Variants in CDK13 observed in about 807,000 individuals in gnomAD.
The protein encoded by CDK13 is cyclin dependent kinase 13.
Under a neutral mutation model 137.6 loss-of-function variants are expected in CDK13, and 40 were observed. The ratio of observed to expected loss-of-function variants is 0.29; its 90% CI spans 0.23 to 0.38. CDK13 has a LOEUF of 0.38. Ranked by LOEUF, CDK13 falls within the 10% of genes least tolerant of loss-of-function variation. The pLI is 1.00. For synonymous variants in CDK13, 869 were observed against 760.1 expected, an observed-to-expected ratio of 1.14 and a Z score of -2.36; for missense variants, 1,704 against 1,951.8, an observed-to-expected ratio of 0.87 and a Z score of 2.39.
intron 11 of CDK13, among the ~76,000 whole-genome samples, chr7:40,081,231 G>C (rs1487427848): frequency 1.3e-5 from 2 of 152,192 alleles, no homozygotes; most frequent in East Asian, 3.9e-4. Flanking sequence ...TGGTGATCCT[G>C]CTCTGTGATA....
intron 5 of CDK13, among the ~76,000 whole-genome samples, chr7:40,017,447 G>A (rs1785026641): frequency 6.6e-6 from 1 of 152,010 alleles, no homozygotes; most frequent in African/African-American, 2.4e-5. Flanking sequence ...GTACTTTACT[G>A]AAGCACAGTA....
At chr7:39,959,838 CTTGT>C (rs1264695387) in intron 1 of CDK13, among the ~76,000 whole-genome samples, 17 of 76,656 alleles carry the variant, frequency 2.2e-4, no homozygotes, top group East Asian at 7.5e-4. Flanking sequence ...TAGCTACTAA[CTTGT>C]TTTTTTTTTT....
intron 1 of CDK13, chr7:39,985,076 T>C (rs1242283523): frequency 6.6e-6 from 1 of 152,098 alleles, no homozygotes; most frequent in Non-Finnish European, 1.5e-5. Context: ...CTTCATTCTT[T>C]GTATTTTTTG....
Position 40,063,006 on chromosome 7 carries a change from G to A in CDK13, c.2703-17G>A, listed in dbSNP as rs1285855677. On this transcript the variant is annotated splice_polypyrimidine_tract_variant and intron_variant, in intron 8 of 13. Coordinates refer to ENST00000181839, the MANE Select transcript of CDK13 (RefSeq NM_003718.5). Reference sequence around the variant, plus strand: ...TAAAATAGATCATTTGGTAATGACGGGTATTTTTTCCATTAGCTGTATCCT... The same window carrying A: ...TAAAATAGATCATTTGGTAATGACGAGTATTTTTTCCATTAGCTGTATCCT... 2 of 1,611,494 alleles carry A rather than the reference G, an allele frequency of 1.2e-6. No individual in the cohort carries two copies. Among genetic ancestry groups the A allele is most frequent in the South Asian group, 1.1e-5 (1 of 91,006 alleles).
chr7:39,967,441 A>G (rs1783896529), intron 1 of CDK13, among the ~76,000 whole-genome samples: 1 of 152,038 alleles, frequency 6.6e-6, no homozygotes, highest in African/African-American at 2.4e-5. Flanking sequence ...CAAAAACAAA[A>G]TAAAACAAAA....
intron 2 of CDK13, among the ~76,000 whole-genome samples, chr7:39,994,373 TCTCA>T (rs1245620313): frequency 7.2e-5 from 11 of 152,314 alleles, no homozygotes; most frequent in African/African-American, 2.6e-4. Flanking sequence ...GTATAATTCA[TCTCA>T]CTAATTTCCA....
chr7:39,951,065 C>A lies in CDK13; in HGVS notation c.424C>A (p.Pro142Thr). The A allele has an allele frequency of 7.8e-7, 1 of 1,274,830 alleles. No individual in the cohort carries two copies. Among genetic ancestry groups the A allele is most frequent in the Non-Finnish European group, 9.9e-7 (1 of 1,012,398 alleles). The allele number at this position is 1,274,830 out of a possible 1,614,324, so 79.0% of individuals were successfully genotyped here. A position where few individuals can be genotyped will look rare whatever the true frequency, so the allele number is the denominator to read the frequency against. Residue 142 changes from proline (P) to threonine (T), a missense_variant, in exon 1 of 14, where the codon CCG becomes ACG. This residue lies in a region of CDK13 where 1,051 missense variants were observed against 931.0 expected (regional missense o/e 1.13). Transcript: ENST00000181839. ...GGASSGGGVT[P>T]LVEYEDVSSQ... ...TGCTAGTAGCGGCGGGGGTGTGACC[C>A]CGCTGGTGGAATACGAGGATGTGAG...
At chr7:40,014,512 C>T (rs1784964562) in intron 5 of CDK13, among the ~76,000 whole-genome samples, 1 of 144,972 alleles carries the variant, frequency 6.9e-6, no homozygotes, top group Non-Finnish European at 1.5e-5. Context: ...AGTACAGTGG[C>T]ACAATCATCT....
rs1212576000 is a variant in CDK13, at chr7:39,950,598, G to T, written c.-44G>T. ...GGGAGATGGCCAGGATCTGACCCGGGAGGAGGCCGCACCCGCGCCGCGCTC... is the reference window on the plus strand; with the variant it reads ...GGGAGATGGCCAGGATCTGACCCGGTAGGAGGCCGCACCCGCGCCGCGCTC... On this transcript the variant is annotated 5_prime_UTR_variant, in exon 1 of 14. Transcript: ENST00000181839. 2 of 1,293,214 alleles carry T rather than the reference G, an allele frequency of 1.5e-6. No homozygotes were observed. Among genetic ancestry groups the T allele is most frequent in the Middle Eastern group, 5.9e-4 (2 of 3,384 alleles). The allele number at this position is 1,293,214 out of a possible 1,614,324, so 80.1% of individuals were successfully genotyped here.
rs567495816 is a variant in CDK13, at chr7:39,950,822, C to T, written c.181C>T (p.Leu61=). ...PPPPPPPLLF[L]AAPGTAAAAA... is the part of the protein sequence containing the mutation. ...GCCGCCCCCGCCGCCTCTGCTCTTC[C>T]TGGCTGCTCCCGGCACGGCCGCCGC... is the stretch of plus-strand genomic sequence containing the variant. Residue 61 remains leucine, a synonymous_variant, in exon 1 of 14, where the codon CTG becomes TTG. Coordinates refer to ENST00000181839, the MANE Select transcript of CDK13 (RefSeq NM_003718.5). The T allele has an allele frequency of 1.1e-5, 16 of 1,424,386 alleles. No individual in the cohort carries two copies. The highest frequency in any genetic ancestry group is 1.5e-5 in the African/African-American group (1 of 66,594). The allele number at this position is 1,424,386 out of a possible 1,614,324, so 88.2% of individuals were successfully genotyped here.
chr7:40,065,287 A>G (rs1786256079), intron 9 of CDK13, among the ~76,000 whole-genome samples: 1 of 152,136 alleles, frequency 6.6e-6, no homozygotes, highest in African/African-American at 2.4e-5. Context: ...ACATGGAAAC[A>G]ACAAAGTCTC....
chr7:40,047,933 T>A, intron 7 of CDK13, 56 bp downstream of exon 7: 1 of 1,037,662 alleles, frequency 9.6e-7, no homozygotes, highest in East Asian at 2.4e-5. Context: ...TTAGAAGCTA[T>A]ACTAAGAATA....
chr7:40,037,897 T>C (rs1205032250), intron 5 of CDK13, among the ~76,000 whole-genome samples: 1 of 152,226 alleles, frequency 6.6e-6, no homozygotes, highest in Non-Finnish European at 1.5e-5. Context: ...CCCAGCTGTA[T>C]ATAGTCAGTA....
chr7:40,004,805 A>C (rs1370043868), intron 5 of CDK13, among the ~76,000 whole-genome samples: 1 of 152,222 alleles, frequency 6.6e-6, no homozygotes, highest in Non-Finnish European at 1.5e-5. Context: ...ATCAAGTAAA[A>C]ATATTAACTT....
chr7:40,011,690 A>G (rs1784897755), intron 5 of CDK13, among the ~76,000 whole-genome samples: 1 of 150,586 alleles, frequency 6.6e-6, no homozygotes, highest in African/African-American at 2.4e-5. Context: ...ATTAGAAGAA[A>G]AGGTAGGAGT....
At chr7:39,960,405 G>C (rs951410242) in intron 1 of CDK13, among the ~76,000 whole-genome samples, 4 of 151,592 alleles carry the variant, frequency 2.6e-5, no homozygotes, top group Admixed American at 2.0e-4. Flanking sequence ...ACAGGCGCCC[G>C]TCACCACGCT....
chr7:39,965,377 T>A (rs1356279371), intron 1 of CDK13, among the ~76,000 whole-genome samples: 1 of 152,214 alleles, frequency 6.6e-6, no homozygotes, highest in Non-Finnish European at 1.5e-5. Context: ...TGTAATGGCC[T>A]TCTTTGTTTC....
intron 5 of CDK13, among the ~76,000 whole-genome samples, chr7:40,020,089 A>T (rs1785080954): frequency 6.6e-6 from 1 of 151,802 alleles, no homozygotes; most frequent in Non-Finnish European, 1.5e-5. Flanking sequence ...TTTTTTTGAG[A>T]CCGGGTCTTG....
intron 6 of CDK13, among the ~76,000 whole-genome samples, chr7:40,046,917 G>A (rs571606135): frequency 2.0e-5 from 3 of 148,600 alleles, no homozygotes; most frequent in South Asian, 4.2e-4. Flanking sequence ...AACGAGAATC[G>A]CTTGAATCCC....
Sources: allele counts gnomAD v4.1 joint callset (sites outside exome capture counted in the v4.1 genomes callset), GRCh38; gene constraint gnomAD v4.1.1; regional missense constraint gnomAD v4.1.1; transcripts MANE v1.5; gene names NCBI Gene and HGNC (gene_info 2026-07-23, HGNC 2026-07-21).